Variants in CTNNA2 observed in about 807,000 individuals in gnomAD.
The protein encoded by CTNNA2 is catenin alpha 2.
In CTNNA2, 42 loss-of-function variants were observed where a neutral mutation model predicts 101.0. That is an observed-to-expected ratio of 0.42 (90% confidence interval 0.32 to 0.54). The LOEUF is 0.54. Ranked by LOEUF, CTNNA2 falls within the 20% of genes least tolerant of loss-of-function variation. CTNNA2 has a pLI of 0.14. For missense variants in CTNNA2, 871 were observed against 1,223.1 expected (o/e 0.71, Z 4.29); for synonymous variants, 450 against 456.4 (o/e 0.99, Z 0.18).
intron 9 of CTNNA2, among the ~76,000 whole-genome samples, chr2:80,481,100 A>G (rs188285441): frequency 6.6e-6 from 1 of 152,272 alleles, no homozygotes; most frequent in Admixed American, 6.5e-5. Flanking sequence ...TTTCATTACT[A>G]ATATACCTTG....
intron 7 of CTNNA2, among the ~76,000 whole-genome samples, chr2:80,088,914 A>G (rs1699607365): frequency 1.3e-5 from 2 of 152,006 alleles, no homozygotes; most frequent in Admixed American, 6.6e-5. Flanking sequence ...GTTTCTGTGC[A>G]TATGACGTTC....
At chr2:79,944,947 A>G (rs1472202085) in intron 7 of CTNNA2, among the ~76,000 whole-genome samples, 2 of 152,240 alleles carry the variant, frequency 1.3e-5, no homozygotes, top group Admixed American at 1.3e-4. Flanking sequence ...AGGAATATAC[A>G]TTGCCATTCT....
chr2:79,208,994 T>C (rs1313616990), intron 2 of CTNNA2, among the ~76,000 whole-genome samples: 6 of 152,030 alleles, frequency 3.9e-5, no homozygotes, highest in African/African-American at 1.4e-4. Context: ...TGCATGATAA[T>C]AAATGTAGGT....
intron 5 of CTNNA2, among the ~76,000 whole-genome samples, chr2:79,873,325 A>G (rs1682733900): frequency 6.6e-6 from 1 of 152,192 alleles, no homozygotes; most frequent in Non-Finnish European, 1.5e-5. Context: ...ATTTTATTGA[A>G]TGCCTCTTAT....
chr2:80,076,208 G>A (rs1698736202), intron 7 of CTNNA2, among the ~76,000 whole-genome samples: 2 of 151,900 alleles, frequency 1.3e-5, no homozygotes, highest in East Asian at 1.9e-4. Context: ...AGGGAATGGA[G>A]GTGGGCTTCT....
At chr2:79,969,041 G>T (rs1181653023) in intron 7 of CTNNA2, among the ~76,000 whole-genome samples, 1 of 152,132 alleles carries the variant, frequency 6.6e-6, no homozygotes, top group Non-Finnish European at 1.5e-5. Flanking sequence ...TAAGCAGTTT[G>T]TCTGTGGTCA....
intron 7 of CTNNA2, among the ~76,000 whole-genome samples, chr2:79,970,765 A>G (rs1345556724): frequency 6.6e-6 from 1 of 152,062 alleles, no homozygotes. Flanking sequence ...ACATCCTTTC[A>G]TCCTTTGATG....
At chr2:79,719,778 T>C (rs1271258666) in intron 2 of CTNNA2, among the ~76,000 whole-genome samples, 2 of 152,046 alleles carry the variant, frequency 1.3e-5, no homozygotes, top group Non-Finnish European at 2.9e-5. Flanking sequence ...CTTCCTTATG[T>C]ATTCTGGATA....
At chr2:80,193,061 T>A (rs1241995484) in intron 7 of CTNNA2, among the ~76,000 whole-genome samples, 1 of 152,212 alleles carries the variant, frequency 6.6e-6, no homozygotes, top group East Asian at 1.9e-4. Flanking sequence ...TCTCAGTGAC[T>A]AACCTTCAGC....
intron 7 of CTNNA2, among the ~76,000 whole-genome samples, chr2:79,916,918 C>T (rs1686273164): frequency 6.6e-6 from 1 of 151,200 alleles, no homozygotes; most frequent in Non-Finnish European, 1.5e-5. Flanking sequence ...CCGCTGTGCC[C>T]AGCTTTTTTT....
At chr2:80,080,272 A>G (rs1209448141) in intron 7 of CTNNA2, among the ~76,000 whole-genome samples, 1 of 152,228 alleles carries the variant, frequency 6.6e-6, no homozygotes, top group African/African-American at 2.4e-5. Flanking sequence ...TGACTTTAAG[A>G]CTTACAGTGA....
chr2:80,132,865 G>A (rs1442409794), intron 7 of CTNNA2, among the ~76,000 whole-genome samples: 1 of 152,114 alleles, frequency 6.6e-6, no homozygotes, highest in Non-Finnish European at 1.5e-5. Flanking sequence ...GAGATTATTA[G>A]ATGTTATAAT....
intron 7 of CTNNA2, among the ~76,000 whole-genome samples, chr2:80,334,818 C>T (rs918642212): frequency 3.3e-5 from 5 of 152,068 alleles, no homozygotes; most frequent in Non-Finnish European, 7.4e-5. Flanking sequence ...CTTGGTCTGC[C>T]CAGGACCGAG....
At chr2:80,280,698 A>G (rs1674312348) in intron 7 of CTNNA2, among the ~76,000 whole-genome samples, 1 of 152,118 alleles carries the variant, frequency 6.6e-6, no homozygotes, top group Non-Finnish European at 1.5e-5. Context: ...CCAGAAATAA[A>G]CAACGCATAA....
chr2:79,778,861 TTAGA>T (rs1002586071), intron 3 of CTNNA2, among the ~76,000 whole-genome samples: 17 of 152,208 alleles, frequency 1.1e-4, no homozygotes, highest in African/African-American at 2.7e-4. Flanking sequence ...ATCAAAGTTA[TTAGA>T]TAGATATTTA....
At chr2:79,265,801 C>T (rs1674979550) in intron 2 of CTNNA2, among the ~76,000 whole-genome samples, 1 of 151,712 alleles carries the variant, frequency 6.6e-6, no homozygotes, top group African/African-American at 2.4e-5. Flanking sequence ...ATATTTAAGA[C>T]AGTCAGTCTG....
chr2:79,682,180 A>G (rs931916627), intron 2 of CTNNA2, among the ~76,000 whole-genome samples: 3 of 151,984 alleles, frequency 2.0e-5, no homozygotes, highest in African/African-American at 7.2e-5. Flanking sequence ...AGGCCGAGGC[A>G]GGCGGATCAC....
chr2:80,046,382 G>C (rs1696524673), intron 7 of CTNNA2, among the ~76,000 whole-genome samples: 1 of 152,018 alleles, frequency 6.6e-6, no homozygotes, highest in Admixed American at 6.6e-5. Context: ...AAGTGACGAA[G>C]ACTCTATTTA....
At chr2:79,951,268 T>C (rs1688860093) in intron 7 of CTNNA2, among the ~76,000 whole-genome samples, 1 of 152,152 alleles carries the variant, frequency 6.6e-6, no homozygotes. Context: ...TATCAAAACA[T>C]ATACACAGCC....
Sources: allele counts gnomAD v4.1 joint callset (sites outside exome capture counted in the v4.1 genomes callset), GRCh38; gene constraint gnomAD v4.1.1; transcripts MANE v1.5; gene names NCBI Gene and HGNC (gene_info 2026-07-23, HGNC 2026-07-21).